Variants in FBF1 observed in about 807,000 individuals in gnomAD.
FBF1 encodes the protein Fas binding factor 1, also known as fas-binding factor 1.
A neutral mutation model predicts 147.2 loss-of-function variants in FBF1; 119 were observed. The observed-to-expected ratio is 0.81, with a 90% confidence interval of 0.70 to 0.94. The LOEUF is 0.94. Among genes scored for constraint, FBF1 ranks in the 40% least tolerant of loss-of-function variants. FBF1 has a pLI of 0.00. For synonymous variants in FBF1, 601 were observed against 609.0 expected (o/e 0.99, Z 0.19); for missense variants, 1,449 against 1,500.8 (o/e 0.97, Z 0.57).
rs757498831 is a variant in FBF1, at chr17:75,913,809, C to T, written c.3140G>A (p.Ser1047Asn). 2.5e-6 allele frequency: 4 copies of T among 1,604,152 alleles called. No individual in the cohort carries two copies. The highest frequency in any genetic ancestry group is 3.4e-6 in the Non-Finnish European group (4 of 1,178,294). The change falls in exon 28 of 30, where the codon AGT (serine) becomes AAT (asparagine). Residue 1047 changes from serine to asparagine, a missense_variant. Coordinates refer to ENST00000636174, the MANE Select transcript of FBF1 (RefSeq NM_001319193.2). ...CAGTTGCAGCCTCTGCTGGGCCAGA[C>T]TCAGATGCTCCTGTCCCCGTTCCCC... Reference protein sequence around the residue: ...QEQHMHQEHLSLAQQRLQLDR... With the variant: ...QEQHMHQEHLNLAQQRLQLDR...
rs143730049 is a variant in FBF1 at position 75,925,866 on chromosome 17, G to A, written c.868+164C>T. Among the ~76,000 whole-genome samples the A allele has an allele frequency of 2.0e-5, 3 of 152,194 alleles. No homozygotes were observed. Among genetic ancestry groups the A allele is most frequent in the East Asian group, 1.9e-4 (1 of 5,190 alleles). On this transcript the variant is annotated intron_variant, in intron 12 of 29. Transcript: ENST00000636174. The surrounding 1 kb of genome is among the most constrained non-coding windows in gnomAD (Gnocchi z 5.0). The stretch of plus-strand genomic sequence containing the variant: ...CAACTGAGCACGAACAGTGGTCACG[G>A]TAAGTATTATTTCACGGTAAGTATT...
At position 75,923,279 on chromosome 17, in the gene FBF1, C is replaced by G; in HGVS notation, c.1331G>C (p.Arg444Pro). 1 of 1,590,878 alleles carries G rather than the reference C, an allele frequency of 6.3e-7. No individual in the cohort carries two copies. The highest frequency in any genetic ancestry group is 1.1e-5 in the South Asian group (1 of 87,586). Residue 444 changes from arginine (R) to proline (P), a missense_variant, in exon 14 of 30, where the codon CGG becomes CCG. Physicochemically the swap from Arg to Pro is moderately radical, Grantham distance 103. Coordinates refer to ENST00000636174, the MANE Select transcript of FBF1 (RefSeq NM_001319193.2). This position sits in a 1 kb window ranked among gnomAD's most constrained non-coding sequence, Gnocchi z 4.1. ...KEDWLSHALS[R>P]KKSQGLAREQ... Reference sequence around the variant, plus strand: ...TCTGGCCAGGCCTTGGGACTTCTTCCGAGACAGGGCATGGCTCAGCCAGTC... The same window carrying G: ...TCTGGCCAGGCCTTGGGACTTCTTCGGAGACAGGGCATGGCTCAGCCAGTC...
chr17:75,921,594 C>T (rs956251826), intron 15 of FBF1, 34 bp from the exon 16 acceptor site: 10 of 1,463,970 alleles, frequency 6.8e-6, no homozygotes, highest in Non-Finnish European at 8.3e-6. Flanking sequence ...GGTGAGCAGC[C>T]TCTGTGTGGG....
rs1015441973 is a variant in FBF1, at chr17:75,918,884, C to A, written c.2139-615G>T. The stretch of plus-strand genomic sequence containing the variant: ...TCTTGAACTCCTAGCCTCAAGCAAT[C>A]CTCCTGCCTTGGCCTCCCAAGTGTT... On this transcript the variant is annotated intron_variant, in intron 20 of 29. Transcript: ENST00000636174. The surrounding 1 kb of genome is among the most constrained non-coding windows in gnomAD (Gnocchi z 5.8). Among the ~76,000 whole-genome samples, 9 of 151,304 alleles carry A rather than the reference C, an allele frequency of 5.9e-5. No homozygotes were observed. The highest frequency in any genetic ancestry group is 1.3e-4 in the Non-Finnish European group (9 of 67,888).
At chr17:75,926,558 G>A (rs1040107543) in intron 10 of FBF1, 132 bp from the exon 11 acceptor site, 22 of 1,380,548 alleles carry the variant, frequency 1.6e-5, no homozygotes, top group South Asian at 1.5e-4. Context: ...GTCTGTCCAC[G>A]GGACCCAATT....
Position 75,925,837 on chromosome 17 carries a change from T to C in FBF1, c.868+193A>G, listed in dbSNP as rs1382030469. The stretch of plus-strand genomic sequence containing the variant: ...TCCAAATCAAACAGCATCTCAATCA[T>C]AGACAACTGAGCACGAACAGTGGTC... On this transcript the variant is annotated intron_variant, in intron 12 of 29. Transcript: ENST00000636174. This position sits in a 1 kb window ranked among gnomAD's most constrained non-coding sequence, Gnocchi z 5.0. Among the ~76,000 whole-genome samples the C allele has an allele frequency of 2.0e-5, 3 of 152,244 alleles. No individual in the cohort carries two copies. Among genetic ancestry groups the C allele is most frequent in the East Asian group, 1.9e-4 (1 of 5,202 alleles).
At chr17:75,930,498 G>A (rs953835777) in intron 6 of FBF1, among the ~76,000 whole-genome samples, 1 of 152,218 alleles carries the variant, frequency 6.6e-6, no homozygotes, top group Non-Finnish European at 1.5e-5. Flanking sequence ...AGTGGCTCAC[G>A]CCTGTAATCC....
chr17:75,935,126 C>A (rs1472423366), intron 4 of FBF1, among the ~76,000 whole-genome samples: 1 of 151,372 alleles, frequency 6.6e-6, no homozygotes, highest in Admixed American at 6.6e-5. Context: ...GAGTTGTACA[C>A]TTTACAGGAG....
intron 2 of FBF1, chr17:75,937,940 G>A (rs1019030964): frequency 3.0e-5 from 21 of 702,430 alleles, no homozygotes; most frequent in South Asian, 1.4e-4. Context: ...ACTTAAAAAC[G>A]CTTCCAGCTG....
chr17:75,936,600 G>A (rs182512626), intron 3 of FBF1, among the ~76,000 whole-genome samples: 1 of 152,142 alleles, frequency 6.6e-6, no homozygotes, highest in African/African-American at 2.4e-5. Context: ...GCTTGAAACT[G>A]GGAGGCAGAG....
In FBF1 at chr17:75,925,444, T is replaced by A. The variant is rs1170791269; in HGVS notation, c.871A>T (p.Ser291Cys). Residue 291 changes from serine (S) to cysteine (C), a missense_variant and splice_region_variant, in exon 13 of 30, where the codon AGT (serine) becomes TGT (cysteine). By Grantham distance (112) the Ser-to-Cys change is moderately radical (BLOSUM62 -1). Coordinates refer to ENST00000636174, the MANE Select transcript of FBF1 (RefSeq NM_001319193.2). This position sits in a 1 kb window ranked among gnomAD's most constrained non-coding sequence, Gnocchi z 5.0. ...LDKKYQRPQD[S>C]EDMWGDEDFT... ...TCCTCGTCACCCCACATATCTTCAC[T>A]GTCTGTGAATTAAGGAGCCTGTGAC... 8.1e-6 allele frequency: 13 copies of A among 1,612,536 alleles called. No homozygotes were observed. The highest frequency in any genetic ancestry group is 1.1e-5 in the Non-Finnish European group (13 of 1,179,176).
chr17:75,925,250 T>G lies in FBF1; in HGVS notation c.968+97A>C. The G allele has an allele frequency of 6.8e-5, 61 of 899,150 alleles. No homozygotes were observed. Among genetic ancestry groups the G allele is most frequent in the Middle Eastern group, 3.4e-4 (1 of 2,944 alleles). 55.7% of individuals were successfully genotyped at this position (899,150 alleles called of 1,614,324 possible). ...GCCTTGTACCCTGTGGCCTCCCACA[T>G]GAGACTCTCGGGTGGGACAGGGGAC... is the stretch of plus-strand genomic sequence containing the variant. On this transcript the variant is annotated intron_variant, in intron 13 of 29. Transcript: ENST00000636174. This position sits in a 1 kb window ranked among gnomAD's most constrained non-coding sequence, Gnocchi z 5.0.
At chr17:75,920,729 G>C (rs1392921005) in intron 17 of FBF1, among the ~76,000 whole-genome samples, 1 of 152,060 alleles carries the variant, frequency 6.6e-6, no homozygotes, top group African/African-American at 2.4e-5. Context: ...TATGACAAAA[G>C]CTGATGCTGG....
intron 2 of FBF1, 29 bp from the exon 3 acceptor site, chr17:75,937,622 G>A (rs761383149): frequency 1.2e-6 from 2 of 1,613,658 alleles, no homozygotes; most frequent in Non-Finnish European, 1.7e-6. Flanking sequence ...ATCACATCAA[G>A]AAAACCAAAC....
intron 6 of FBF1, 31 bp downstream of exon 6, chr17:75,931,198 T>C (rs368562668): frequency 6.4e-7 from 1 of 1,560,528 alleles, no homozygotes; most frequent in Admixed American, 1.9e-5. Flanking sequence ...TGGGGATAAG[T>C]AGGGAGGTGG....
At chr17:75,914,486 C>T (rs1038434626) in intron 25 of FBF1, 188 bp from the exon 26 acceptor site, 2 of 959,600 alleles carry the variant, frequency 2.1e-6, no homozygotes, top group African/African-American at 1.7e-5. Flanking sequence ...GTGACTGTGG[C>T]AGGCTCAACT....
chr17:75,927,216 C>A (rs1265422908), intron 9 of FBF1, among the ~76,000 whole-genome samples: 2 of 152,250 alleles, frequency 1.3e-5, no homozygotes, highest in Non-Finnish European at 2.9e-5. Context: ...GGGAAAGGGG[C>A]TCCTTCCTAT....
In FBF1 at chr17:75,923,704, G is replaced by C; in HGVS notation, c.969-63C>G. The C allele has an allele frequency of 6.9e-7, 1 of 1,453,452 alleles. No individual in the cohort carries two copies. The highest frequency in any genetic ancestry group is 9.2e-7 in the Non-Finnish European group (1 of 1,085,514). 90.0% of individuals were successfully genotyped at this position (1,453,452 alleles called of 1,614,324 possible). ...AGCCAGTCCCAGTGGCCCCCTAGCA[G>C]CCTGCAGCTGGGCGTCACGATGCCC... On this transcript the variant is annotated intron_variant, in intron 13 of 29. Transcript: ENST00000636174. The surrounding 1 kb of genome is among the most constrained non-coding windows in gnomAD (Gnocchi z 4.1).
chr17:75,922,157 CT>C lies in FBF1; in HGVS notation c.1425-112del, dbSNP rs2065532047. 1.2e-6 allele frequency: 1 copy of C among 828,568 alleles called. No individual in the cohort carries two copies. Among genetic ancestry groups the C allele is most frequent in the Admixed American group, 2.4e-5 (1 of 41,422 alleles). The allele number at this position is 828,568 out of a possible 1,614,324, so 51.3% of individuals were successfully genotyped here. Reference sequence around the variant, plus strand: ...GTGAAGCTCGTGGCCCCCCTTCCTCCTGCTTCCACCATCCCGTCTTGGGGCA... The same window carrying C: ...GTGAAGCTCGTGGCCCCCCTTCCTCCGCTTCCACCATCCCGTCTTGGGGCA... On this transcript the variant is annotated intron_variant, in intron 14 of 29. Coordinates refer to ENST00000636174, the MANE Select transcript of FBF1 (RefSeq NM_001319193.2). This position sits in a 1 kb window ranked among gnomAD's most constrained non-coding sequence, Gnocchi z 5.0.
Sources: allele counts gnomAD v4.1 joint callset (sites outside exome capture counted in the v4.1 genomes callset), GRCh38; gene constraint gnomAD v4.1.1; non-coding constraint Gnocchi (gnomAD v3.1); transcripts MANE v1.5; gene names NCBI Gene and HGNC (gene_info 2026-07-23, HGNC 2026-07-21).